FAM110B: variants seen among roughly 807,000 people sequenced by gnomAD.
FAM110B encodes family with sequence similarity 110 member B, also known as protein FAM110B.
In FAM110B, 6 loss-of-function variants were observed where a neutral mutation model predicts 20.4. The observed-to-expected ratio is 0.29, with a 90% CI of 0.16 to 0.58. FAM110B has a LOEUF of 0.58. FAM110B is among the 20% of genes least tolerant of loss of function. The pLI, the probability that FAM110B is intolerant of heterozygous loss-of-function variation, is 0.90. For synonymous variants in FAM110B, 226 were observed against 214.1 expected, an observed-to-expected ratio of 1.06 and a Z score of -0.49; for missense variants, 434 against 498.2, an observed-to-expected ratio of 0.87 and a Z score of 1.23.
intron 2 of FAM110B, among the ~76,000 whole-genome samples, chr8:58,064,725 T>A (rs1211158691): frequency 6.6e-6 from 1 of 152,194 alleles, no homozygotes; most frequent in Non-Finnish European, 1.5e-5. Context: ...ACTCATTTAA[T>A]CCACACAACA....
intron 3 of FAM110B, among the ~76,000 whole-genome samples, chr8:58,142,094 T>C (rs539839692): frequency 5.3e-5 from 8 of 152,346 alleles, no homozygotes; most frequent in African/African-American, 1.7e-4. Flanking sequence ...GTTAGAAAGG[T>C]TCAGGCCACT....
chr8:58,119,731 G>A (rs938080621), intron 3 of FAM110B, among the ~76,000 whole-genome samples: 9 of 152,190 alleles, frequency 5.9e-5, no homozygotes, highest in African/African-American at 2.2e-4. Flanking sequence ...CTTCAGGGTT[G>A]TACTGCTTCC....
chr8:58,094,814 A>G (rs1806577981), intron 3 of FAM110B, among the ~76,000 whole-genome samples: 2 of 152,260 alleles, frequency 1.3e-5, no homozygotes, highest in South Asian at 2.1e-4. Flanking sequence ...GAATAGTTTC[A>G]CAAGGAATGG....
intron 3 of FAM110B, among the ~76,000 whole-genome samples, chr8:58,122,470 C>G (rs1422784584): frequency 6.6e-6 from 1 of 152,054 alleles, no homozygotes; most frequent in Non-Finnish European, 1.5e-5. Flanking sequence ...GGGATGGATC[C>G]TCTAATTTTT....
chr8:58,086,977 G>A (rs976356919), intron 3 of FAM110B, among the ~76,000 whole-genome samples: 1 of 152,190 alleles, frequency 6.6e-6, no homozygotes, highest in South Asian at 2.1e-4. Flanking sequence ...GGGACACATA[G>A]CACGTGATCA....
chr8:58,063,268 A>T (rs1440134810), intron 2 of FAM110B, among the ~76,000 whole-genome samples: 1 of 152,212 alleles, frequency 6.6e-6, no homozygotes, highest in East Asian at 1.9e-4. Context: ...ACAAGTTTTT[A>T]TTAACAATTT....
rs563609815 is a variant in FAM110B at position 58,146,090 on chromosome 8, G to T, written c.-141G>T. Reference sequence around the variant, plus strand: ...CGGTTAATGAGCTGTGAGATGAGGCGCTGCTGCGGCCGCTGCTGCTGACAC... The same window carrying T: ...CGGTTAATGAGCTGTGAGATGAGGCTCTGCTGCGGCCGCTGCTGCTGACAC... On this transcript the variant is annotated 5_prime_UTR_variant, in exon 4 of 4. Transcript: ENST00000519262. The T allele has an allele frequency of 1.2e-4, 110 of 950,220 alleles. 1 individual carries two copies. In the East Asian group the frequency reaches 1.7e-3, roughly 15 times the overall value. 58.9% of individuals were successfully genotyped at this position (950,220 alleles called of 1,614,324 possible).
At chr8:58,015,021 G>C (rs1190031904) in intron 1 of FAM110B, among the ~76,000 whole-genome samples, 1 of 152,134 alleles carries the variant, frequency 6.6e-6, no homozygotes, top group Non-Finnish European at 1.5e-5. Flanking sequence ...ATGAGTTGAT[G>C]TTCTTCTTTA....
At chr8:58,145,463 A>G (rs1219440222) in intron 3 of FAM110B, among the ~76,000 whole-genome samples, 1 of 152,182 alleles carries the variant, frequency 6.6e-6, no homozygotes, top group Non-Finnish European at 1.5e-5. Context: ...TGCAAAAGAG[A>G]TAATTCACGA....
intron 3 of FAM110B, among the ~76,000 whole-genome samples, chr8:58,085,179 A>T (rs750620811): frequency 6.6e-6 from 1 of 152,318 alleles, no homozygotes; most frequent in East Asian, 1.9e-4. Flanking sequence ...TGTGGGGGTC[A>T]TGCCCCCTTC....
At chr8:58,003,575 C>A (rs1804343595) in intron 1 of FAM110B, among the ~76,000 whole-genome samples, 1 of 152,184 alleles carries the variant, frequency 6.6e-6, no homozygotes, top group African/African-American at 2.4e-5. Context: ...CCATGTGCTG[C>A]AGAATGAATG....
At chr8:58,136,257 A>G (rs1400221119) in intron 3 of FAM110B, among the ~76,000 whole-genome samples, 2 of 152,044 alleles carry the variant, frequency 1.3e-5, no homozygotes, top group South Asian at 4.2e-4. Context: ...TGATCTGCCC[A>G]CCTCGGCCTC....
chr8:58,040,347 G>A (rs1257438532), intron 2 of FAM110B, among the ~76,000 whole-genome samples: 2 of 152,144 alleles, frequency 1.3e-5, no homozygotes, highest in Non-Finnish European at 2.9e-5. Context: ...CCTGAAATAT[G>A]CTTACGAAGA....
At chr8:58,123,182 G>T (rs902001086) in intron 3 of FAM110B, among the ~76,000 whole-genome samples, 21 of 152,132 alleles carry the variant, frequency 1.4e-4, no homozygotes, top group African/African-American at 5.1e-4. Flanking sequence ...GTGGCAAGTG[G>T]TGTGGGAGCT....
intron 3 of FAM110B, among the ~76,000 whole-genome samples, chr8:58,142,803 G>A (rs1383940091): frequency 6.6e-6 from 1 of 152,174 alleles, no homozygotes; most frequent in Non-Finnish European, 1.5e-5. Context: ...CAAGGATCAG[G>A]CAAGGCTATA....
chr8:58,049,392 A>G (rs1805394654), intron 2 of FAM110B, among the ~76,000 whole-genome samples: 1 of 152,134 alleles, frequency 6.6e-6, no homozygotes. Context: ...ATATTTCTTG[A>G]AAAGCTAGTC....
intron 2 of FAM110B, among the ~76,000 whole-genome samples, chr8:58,052,776 T>C (rs1419508419): frequency 6.1e-5 from 2 of 33,040 alleles, no homozygotes; most frequent in Non-Finnish European, 1.2e-4. Context: ...TGGACTCTTT[T>C]TTTTTTTTTT....
chr8:58,011,680 A>G (rs1804536762), intron 1 of FAM110B, among the ~76,000 whole-genome samples: 1 of 152,118 alleles, frequency 6.6e-6, no homozygotes, highest in South Asian at 2.1e-4. Context: ...TTTGACACAC[A>G]CCCAAGATCT....
chr8:58,137,254 C>G (rs1191143446), intron 3 of FAM110B, among the ~76,000 whole-genome samples: 1 of 152,134 alleles, frequency 6.6e-6, no homozygotes, highest in East Asian at 1.9e-4. Context: ...ACACTGGGGA[C>G]AGCATTTAAT....
Sources: allele counts gnomAD v4.1 joint callset (sites outside exome capture counted in the v4.1 genomes callset), GRCh38; gene constraint gnomAD v4.1.1; transcripts MANE v1.5; gene names NCBI Gene and HGNC (gene_info 2026-07-23, HGNC 2026-07-21).